Variants in ASTN2 observed in about 807,000 individuals in gnomAD.
ASTN2 encodes astrotactin-2.
Under a neutral mutation model 139.8 loss-of-function variants are expected in ASTN2, and 54 were observed. That is an observed-to-expected ratio of 0.39 (90% CI 0.31 to 0.48). The LOEUF is 0.48. Ranked by LOEUF, ASTN2 falls within the 20% of genes least tolerant of loss-of-function variation. The pLI is 0.95. For synonymous variants in ASTN2, 756 were observed against 719.5 expected (o/e 1.05, Z -0.81); for missense variants, 1,565 against 1,725.1 (o/e 0.91, Z 1.64).
At chr9:117,191,568 T>C (rs1831349428) in intron 3 of ASTN2, among the ~76,000 whole-genome samples, 1 of 152,250 alleles carries the variant, frequency 6.6e-6, no homozygotes, top group African/African-American at 2.4e-5. Context: ...AATTTAGCTC[T>C]ACAGTGGATA....
intron 13 of ASTN2, among the ~76,000 whole-genome samples, chr9:116,799,637 T>C (rs1830788166): frequency 6.8e-6 from 1 of 148,052 alleles, no homozygotes; most frequent in African/African-American, 2.5e-5. Context: ...TCTAAATCTC[T>C]GCAATCTATA....
intron 10 of ASTN2, among the ~76,000 whole-genome samples, chr9:116,925,867 C>CAA (rs56157722): frequency 0.56 from 83,578 of 149,596 alleles, 23,852 homozygotes; most frequent in South Asian, 0.66. Context: ...ACACAACACA[C>CAA]ACACACACAC....
intron 19 of ASTN2, among the ~76,000 whole-genome samples, chr9:116,581,558 G>T (rs771119173): frequency 5.3e-5 from 8 of 152,114 alleles, no homozygotes; most frequent in African/African-American, 1.9e-4. Flanking sequence ...TTGCCCAGAC[G>T]GATATTCTTC....
At chr9:116,433,471 A>T (rs569768981) in intron 22 of ASTN2, among the ~76,000 whole-genome samples, 10 of 152,334 alleles carry the variant, frequency 6.6e-5, no homozygotes, top group South Asian at 4.1e-4. Flanking sequence ...GTACACTGTT[A>T]ACAATGTAAT....
At chr9:116,716,513 G>C (rs1441438585) in intron 16 of ASTN2, among the ~76,000 whole-genome samples, 1 of 152,086 alleles carries the variant, frequency 6.6e-6, no homozygotes, top group African/African-American at 2.4e-5. Flanking sequence ...CTGTAGAATG[G>C]GAATGGCTAA....
intron 6 of ASTN2, among the ~76,000 whole-genome samples, chr9:117,025,321 T>C (rs1475554901): frequency 2.6e-5 from 4 of 152,172 alleles, no homozygotes; most frequent in Non-Finnish European, 5.9e-5. Flanking sequence ...CTTGGCAATA[T>C]GCCCACAATG....
chr9:116,661,896 G>A (rs1477389671), intron 16 of ASTN2, among the ~76,000 whole-genome samples: 1 of 151,632 alleles, frequency 6.6e-6, no homozygotes, highest in Admixed American at 6.6e-5. Flanking sequence ...ATAAAATTAG[G>A]AAATATACCT....
intron 1 of ASTN2, among the ~76,000 whole-genome samples, chr9:117,388,914 C>A (rs2130941123): frequency 6.6e-6 from 1 of 152,224 alleles, no homozygotes; most frequent in East Asian, 1.9e-4. Flanking sequence ...TCCTCATTGA[C>A]CATAAAATAA....
chr9:116,862,693 G>A (rs1046667775), intron 11 of ASTN2, among the ~76,000 whole-genome samples: 1 of 150,030 alleles, frequency 6.7e-6, no homozygotes, highest in African/African-American at 2.5e-5. Context: ...AAGAGATGTG[G>A]CTGGAGAAAC....
At chr9:116,555,089 G>A (rs1310793271) in intron 19 of ASTN2, among the ~76,000 whole-genome samples, 1 of 152,168 alleles carries the variant, frequency 6.6e-6, no homozygotes, top group Non-Finnish European at 1.5e-5. Context: ...TGTATAAAGT[G>A]ATACCCAGAT....
Position 116,805,801 on chromosome 9 carries a change from G to C in ASTN2, c.2227C>G (p.Leu743Val). ...MFCGCVEEYKLAPDGKSCLML... is the reference protein window; with the variant it reads ...MFCGCVEEYKVAPDGKSCLML... ...AAGCAGGATTTTCCATCAGGAGCCA[G>C]TTTGTACTCCTCCACGCAACTGTAT... is the stretch of plus-strand genomic sequence containing the variant. The change falls in exon 13 of 23, where the codon CTG (leucine) becomes GTG (valine). Residue 743 changes from leucine (L) to valine (V), a missense_variant. Physicochemically the swap from Leu to Val is conservative, Grantham distance 32. This residue lies in a region of ASTN2 where 503 missense variants were observed against 591.7 expected (regional missense o/e 0.85). Transcript: ENST00000313400. 1 of 1,613,854 alleles carries C rather than the reference G, an allele frequency of 6.2e-7. No individual in the cohort carries two copies. Among genetic ancestry groups the C allele is most frequent in the Non-Finnish European group, 8.5e-7 (1 of 1,179,798 alleles).
intron 20 of ASTN2, among the ~76,000 whole-genome samples, chr9:116,469,762 A>G (rs187334630): frequency 4.8e-4 from 73 of 152,328 alleles, no homozygotes; most frequent in Non-Finnish European, 7.1e-4. Context: ...AGATAAAACA[A>G]ACACTATACC....
intron 3 of ASTN2, among the ~76,000 whole-genome samples, chr9:117,166,718 T>C (rs1213445165): frequency 6.6e-6 from 1 of 152,104 alleles, no homozygotes. Context: ...AGTAAGTGGA[T>C]CCCTTTGTTA....
chr9:116,608,063 T>C (rs1363185696), intron 19 of ASTN2, among the ~76,000 whole-genome samples: 1 of 152,202 alleles, frequency 6.6e-6, no homozygotes, highest in African/African-American at 2.4e-5. Context: ...ATGTGAGCCC[T>C]AAAATTTCTC....
At chr9:116,565,427 A>ATATATATATTTATT (rs1554714243) in intron 19 of ASTN2, among the ~76,000 whole-genome samples, 5 of 74,018 alleles carry the variant, frequency 6.8e-5, no homozygotes, top group Admixed American at 1.6e-4. Flanking sequence ...ATATATATAT[A>ATATATATATTTATT]TATTTATTTA....
chr9:116,485,560 G>A (rs1849311398), intron 20 of ASTN2, among the ~76,000 whole-genome samples: 1 of 152,232 alleles, frequency 6.6e-6, no homozygotes, highest in Non-Finnish European at 1.5e-5. Flanking sequence ...TTAAGAGTGT[G>A]TAGAGTTGTG....
rs746368262 is a variant in ASTN2, at chr9:116,697,959, T to C, written c.2806+27812A>G. On this transcript the variant is annotated intron_variant, in intron 16 of 22. Transcript: ENST00000313400. ...CAGCAAGATTACCCGCATAACCAGCTTGACCCAGCTGACAGACAATCTGAC... is the reference window on the plus strand; with the variant it reads ...CAGCAAGATTACCCGCATAACCAGCCTGACCCAGCTGACAGACAATCTGAC... The C allele has an allele frequency of 8.7e-6, 14 of 1,614,130 alleles. No homozygotes were observed. In the South Asian group the frequency reaches 1.4e-4, roughly 16 times the overall value.
rs1274265404 is a variant in ASTN2 at position 116,699,429 on chromosome 9, C to T, written c.2806+26342G>A. On this transcript the variant is annotated intron_variant, in intron 16 of 22. Coordinates refer to ENST00000313400, the MANE Select transcript of ASTN2 (RefSeq NM_001365068.1). This position sits in a 1 kb window ranked among gnomAD's most constrained non-coding sequence, Gnocchi z 4.2. ...TGTAGGCCCTGATGGGCAGCTGGGTCGCCAGATTAGCCACTTCTTCTCGGA... is the reference window on the plus strand; with the variant it reads ...TGTAGGCCCTGATGGGCAGCTGGGTTGCCAGATTAGCCACTTCTTCTCGGA... 8 of 1,614,134 alleles carry T rather than the reference C, an allele frequency of 5.0e-6. No individual in the cohort carries two copies. Among genetic ancestry groups the T allele is most frequent in the African/African-American group, 1.3e-5 (1 of 75,028 alleles).
At chr9:116,612,035 TATC>T (rs1855566477) in intron 19 of ASTN2, 1 of 152,138 alleles carries the variant, frequency 6.6e-6, no homozygotes, top group East Asian at 1.9e-4. Context: ...CAATGTGACT[TATC>T]ATATTAACAA....
Sources: allele counts gnomAD v4.1 joint callset (sites outside exome capture counted in the v4.1 genomes callset), GRCh38; gene constraint gnomAD v4.1.1; regional missense constraint gnomAD v4.1.1; non-coding constraint Gnocchi (gnomAD v3.1); transcripts MANE v1.5; gene names NCBI Gene and HGNC (gene_info 2026-07-23, HGNC 2026-07-21).